The following UGGT2 variants were observed in gnomAD, a reference collection of about 807,000 sequenced individuals.
The protein encoded by UGGT2 is UDP-glucose:glycoprotein glucosyltransferase 2.
Under a neutral mutation model 192.1 loss-of-function variants are expected in UGGT2, and 180 were observed. That is an observed-to-expected ratio of 0.94 (90% CI 0.83 to 1.06). The LOEUF (loss-of-function observed/expected upper bound fraction) is 1.06. Among genes scored for constraint, UGGT2 ranks in the 50% least tolerant of loss-of-function variants. UGGT2 has a pLI of 0.00. For synonymous variants in UGGT2, 580 were observed against 591.0 expected (o/e 0.98, Z 0.27); for missense variants, 1,849 against 1,795.7 (o/e 1.03, Z -0.54).
At chr13:95,991,381 C>T in intron 7 of UGGT2, 1 of 426,610 alleles carries the variant, frequency 2.3e-6, no homozygotes, top group South Asian at 1.7e-5. Flanking sequence ...TCCCCTCCAG[C>T]ATCTGTCGTT....
chr13:96,049,597 A>C (rs927314305), intron 1 of UGGT2, among the ~76,000 whole-genome samples: 1 of 152,228 alleles, frequency 6.6e-6, no homozygotes, highest in Non-Finnish European at 1.5e-5. Flanking sequence ...CTCAGCCCAA[A>C]ATCTCCTTAA....
At chr13:95,917,460 A>G (rs1213317753) in intron 20 of UGGT2, among the ~76,000 whole-genome samples, 2 of 152,178 alleles carry the variant, frequency 1.3e-5, no homozygotes, top group Non-Finnish European at 2.9e-5. Flanking sequence ...ACAAATACAC[A>G]CTGAAGTACA....
chr13:95,923,538 T>C (rs1464281382), intron 20 of UGGT2, among the ~76,000 whole-genome samples: 7 of 152,110 alleles, frequency 4.6e-5, no homozygotes, highest in Non-Finnish European at 5.9e-5. Context: ...CCAGCAAATT[T>C]TGTATTTTTA....
chr13:96,010,636 A>G (rs1310420335), intron 5 of UGGT2, among the ~76,000 whole-genome samples: 1 of 152,204 alleles, frequency 6.6e-6, no homozygotes, highest in Non-Finnish European at 1.5e-5. Flanking sequence ...AAGGATGTCT[A>G]AATAAATCAA....
intron 17 of UGGT2, among the ~76,000 whole-genome samples, chr13:95,932,303 T>TA (rs2049308649): frequency 7.5e-6 from 1 of 132,826 alleles, no homozygotes; most frequent in South Asian, 2.5e-4. Flanking sequence ...TATTCCTAGG[T>TA]ATTTTATTTG....
intron 8 of UGGT2, chr13:95,989,594 A>G (rs1323424912): frequency 5.3e-6 from 2 of 377,176 alleles, no homozygotes; most frequent in Non-Finnish European, 1.1e-5. Context: ...TAGTCTTAAC[A>G]GGATCTAAAT....
Position 95,853,646 on chromosome 13 carries a change from A to G in UGGT2, c.4181T>C (p.Val1394Ala), listed in dbSNP as rs1889281371. 8 of 1,574,266 alleles carry G rather than the reference A, an allele frequency of 5.1e-6. No homozygotes were observed. The highest frequency in any genetic ancestry group is 6.0e-6 in the Non-Finnish European group (7 of 1,167,026). ...TCTCCTGAACTTCTTGAGATCCACT[A>G]CATATAAAGCACTGCAAAAATGAAT... ...RRKYHISALYVVDLKKFRRIG... is the reference protein window; with the variant it reads ...RRKYHISALYAVDLKKFRRIG... The change falls in exon 36 of 39, where the codon GTA (valine) becomes GCA (alanine). Residue 1394 changes from valine (V) to alanine (A), a missense_variant. By Grantham distance (64) the Val-to-Ala change is moderately conservative. Coordinates refer to ENST00000376747, the MANE Select transcript of UGGT2 (RefSeq NM_020121.4).
intron 1 of UGGT2, among the ~76,000 whole-genome samples, chr13:96,035,320 C>T (rs1484165067): frequency 6.6e-6 from 1 of 152,132 alleles, no homozygotes; most frequent in Non-Finnish European, 1.5e-5. Context: ...GAAAGGATTC[C>T]CTATTTAATA....
chr13:95,820,185 G>C (rs78270812), intron 38 of UGGT2, among the ~76,000 whole-genome samples: 2,357 of 151,888 alleles, frequency 0.016, 26 homozygotes, highest in Non-Finnish European at 0.025. Flanking sequence ...AAGAAACAAA[G>C]ACTTTTTTTT....
intron 12 of UGGT2, 71 bp from the exon 13 acceptor site, chr13:95,949,525 T>G: frequency 7.6e-7 from 1 of 1,308,654 alleles, no homozygotes; most frequent in East Asian, 2.7e-5. Context: ...AGATTTTTAC[T>G]ATATCGTGAT....
intron 22 of UGGT2, among the ~76,000 whole-genome samples, chr13:95,898,182 G>A (rs2048001515): frequency 6.6e-6 from 1 of 152,036 alleles, no homozygotes; most frequent in African/African-American, 2.4e-5. Flanking sequence ...CTGGCTCCCT[G>A]ACCCCCTATT....
chr13:95,943,357 C>T (rs2049754679), intron 15 of UGGT2, among the ~76,000 whole-genome samples: 1 of 151,966 alleles, frequency 6.6e-6, no homozygotes, highest in South Asian at 2.1e-4. Context: ...TTTAGGTAAA[C>T]TTTCATGGCT....
chr13:95,969,487 C>T (rs1448138116), intron 12 of UGGT2, among the ~76,000 whole-genome samples: 1 of 151,960 alleles, frequency 6.6e-6, no homozygotes, highest in Non-Finnish European at 1.5e-5. Context: ...TCAGAAAGGG[C>T]TATTTCAACC....
chr13:95,939,866 CTTTT>C, intron 16 of UGGT2, 87 bp downstream of exon 16: 1 of 1,141,530 alleles, frequency 8.8e-7, no homozygotes, highest in Non-Finnish European at 1.2e-6. Context: ...GTGAGTCTGA[CTTTT>C]TTTAAAGATT....
At chr13:95,946,932 G>A (rs987755419) in intron 15 of UGGT2, 105 bp downstream of exon 15, 7 of 1,220,496 alleles carry the variant, frequency 5.7e-6, no homozygotes, top group South Asian at 3.8e-5. Flanking sequence ...ACTTTGAAAT[G>A]TTACAATAAA....
chr13:95,972,783 CA>C, intron 10 of UGGT2, 112 bp from the exon 11 acceptor site: 2 of 717,520 alleles, frequency 2.8e-6, no homozygotes, highest in Non-Finnish European at 4.6e-6. Flanking sequence ...TTAGGTTTGG[CA>C]GGCCATACAG....
At chr13:95,926,545 T>A (rs1176417670) in intron 19 of UGGT2, among the ~76,000 whole-genome samples, 5 of 152,194 alleles carry the variant, frequency 3.3e-5, no homozygotes, top group Non-Finnish European at 7.4e-5. Context: ...ATCTGAATAG[T>A]TAATTGTACC....
chr13:95,923,247 C>T (rs1299015692), intron 20 of UGGT2, among the ~76,000 whole-genome samples: 1 of 152,080 alleles, frequency 6.6e-6, no homozygotes, highest in Non-Finnish European at 1.5e-5. Flanking sequence ...TTTTTAGAGA[C>T]AGAGTCTTGT....
intron 15 of UGGT2, among the ~76,000 whole-genome samples, chr13:95,944,650 A>G (rs1012857921): frequency 3.3e-5 from 5 of 151,952 alleles, no homozygotes; most frequent in African/African-American, 1.2e-4. Context: ...TCATTAATGT[A>G]TATTCTTATT....
Sources: gnomAD v4.1 joint callset for allele counts (sites outside exome capture counted in the v4.1 genomes callset) on GRCh38, gnomAD v4.1.1 for gene constraint, MANE v1.5 for transcripts, NCBI Gene and HGNC (gene_info 2026-07-23, HGNC 2026-07-21) for gene names.